The following LUC7L variants were observed in gnomAD, a reference collection of about 807,000 sequenced individuals.
LUC7L encodes the protein LUC7 like, also known as putative RNA-binding protein Luc7-like 1.
Under a neutral mutation model 51.1 loss-of-function variants are expected in LUC7L, and 29 were observed. The observed-to-expected ratio is 0.57, with a 90% CI of 0.42 to 0.77. LUC7L has a LOEUF of 0.77. Ranked by LOEUF, LUC7L falls within the 30% of genes least tolerant of loss-of-function variation. The pLI, the probability that LUC7L is intolerant of heterozygous loss-of-function variation, is 0.00. For missense variants in LUC7L, 403 were observed against 511.9 expected, an observed-to-expected ratio of 0.79 and a Z score of 2.05; for synonymous variants, 181 against 180.7, an observed-to-expected ratio of 1.00 and a Z score of -0.01.
chr16:211,255 G>A (rs985352385), intron 3 of LUC7L, among the ~76,000 whole-genome samples: 2 of 152,118 alleles, frequency 1.3e-5, no homozygotes, highest in Non-Finnish European at 2.9e-5. Flanking sequence ...AACTCTAGAC[G>A]TCTAATTGCT....
chr16:189,254 A>C lies in LUC7L; in HGVS notation c.1060T>G (p.Ser354Ala). The change falls in exon 10 of 10, where the codon TCC becomes GCC. Residue 354 changes from serine to alanine, a missense_variant. Ser to Ala is a moderately conservative substitution (Grantham distance 99). Transcript: ENST00000293872. ...CTCCGTGAAGCCATCTTCCCGTTGG[A>C]GCTCTCAAGCCTCCAGTCCGGGGGC... ...RGPPDWRLES[S>A]NGKMASRRSE... 6.2e-7 allele frequency: 1 copy of C among 1,613,786 alleles called. No homozygotes were observed. The highest frequency in any genetic ancestry group is 8.5e-7 in the Non-Finnish European group (1 of 1,179,932).
intron 5 of LUC7L, among the ~76,000 whole-genome samples, chr16:201,856 A>C (rs2142061730): frequency 6.9e-6 from 1 of 144,472 alleles, no homozygotes; most frequent in African/African-American, 2.6e-5. Flanking sequence ...CGATTCTCCT[A>C]CTTCAGCCTC....
At chr16:225,486 C>CTT (rs1172177139) in intron 2 of LUC7L, among the ~76,000 whole-genome samples, 6,550 of 99,338 alleles carry the variant, frequency 0.066, 456 homozygotes, top group African/African-American at 0.12. Flanking sequence ...AACTCCGTCT[C>CTT]TTTTTTTTTT....
At chr16:195,509 G>GCTC (rs1304976170) in intron 6 of LUC7L, among the ~76,000 whole-genome samples, 1 of 151,910 alleles carries the variant, frequency 6.6e-6, no homozygotes, top group African/African-American at 2.4e-5. Context: ...CTGCAGCCTT[G>GCTC]AGCTCCAAGG....
intron 2 of LUC7L, among the ~76,000 whole-genome samples, chr16:224,222 T>C (rs183517867): frequency 9.9e-5 from 15 of 152,228 alleles, no homozygotes; most frequent in Admixed American, 2.0e-4. Context: ...GATATGACAT[T>C]AGAAAACCTC....
At chr16:203,792 G>A (rs934543810) in intron 5 of LUC7L, among the ~76,000 whole-genome samples, 5 of 151,950 alleles carry the variant, frequency 3.3e-5, no homozygotes, top group East Asian at 1.9e-4. Flanking sequence ...CAAGGCAGGC[G>A]GATCATGAGG....
At chr16:189,450 T>C (rs2048950452) in intron 9 of LUC7L, 111 bp from the exon 10 acceptor site, 7 of 1,438,210 alleles carry the variant, frequency 4.9e-6, no homozygotes, top group Non-Finnish European at 6.4e-6. Flanking sequence ...CTACATCCCC[T>C]ATACCTGGAA....
intron 2 of LUC7L, 23 bp downstream of exon 2, chr16:227,219 G>A (rs1285481900): frequency 6.3e-7 from 1 of 1,596,582 alleles, no homozygotes; most frequent in Non-Finnish European, 8.6e-7. Flanking sequence ...AGTGTTCCAT[G>A]AGGTCCCCCA....
chr16:189,629 A>G, intron 9 of LUC7L: 1 of 1,325,824 alleles, frequency 7.5e-7, no homozygotes. Context: ...GTAAAAACAC[A>G]ATGGAAAAAA....
chr16:191,079 C>A (rs891505340), intron 7 of LUC7L, among the ~76,000 whole-genome samples: 3 of 152,122 alleles, frequency 2.0e-5, no homozygotes, highest in Non-Finnish European at 2.9e-5. Context: ...TCAGTGTCAC[C>A]TGAGCCTCAC....
At chr16:218,358 C>A (rs1375122807) in intron 3 of LUC7L, among the ~76,000 whole-genome samples, 3 of 152,182 alleles carry the variant, frequency 2.0e-5, no homozygotes, top group African/African-American at 4.8e-5. Flanking sequence ...AACCCCTCTA[C>A]TAACCTCTGG....
intron 3 of LUC7L, chr16:220,422 A>G (rs965335172): frequency 1.4e-5 from 6 of 440,850 alleles, no homozygotes; most frequent in Non-Finnish European, 2.4e-5. Context: ...TAAAATTTTT[A>G]AAAGCAACAA....
At chr16:206,740 T>C (rs1829724005) in intron 4 of LUC7L, among the ~76,000 whole-genome samples, 1 of 152,034 alleles carries the variant, frequency 6.6e-6, no homozygotes, top group Non-Finnish European at 1.5e-5. Flanking sequence ...CTTTCCAGTT[T>C]TATGTGGAGA....
intron 5 of LUC7L, 38 bp from the exon 6 acceptor site, chr16:199,276 T>C (rs775011827): frequency 6.7e-6 from 9 of 1,349,896 alleles, no homozygotes; most frequent in South Asian, 6.7e-5. Flanking sequence ...GTGAGGTATA[T>C]AGAACTGCCA....
intron 6 of LUC7L, among the ~76,000 whole-genome samples, chr16:196,209 A>G (rs935665904): frequency 6.6e-6 from 1 of 152,136 alleles, no homozygotes; most frequent in Admixed American, 6.5e-5. Context: ...GGAGTTCGAG[A>G]TCAGCCTGAG....
chr16:206,318 C>T (rs760876180), intron 4 of LUC7L, among the ~76,000 whole-genome samples, 171 bp from the exon 5 acceptor site: 8 of 152,182 alleles, frequency 5.3e-5, no homozygotes, highest in Non-Finnish European at 1.2e-4. Flanking sequence ...TAACCATAAA[C>T]GAGTCCTATG....
rs1217095116 is a variant in LUC7L, at chr16:190,051, A to ACCGG, written c.890_891insCCGG (p.His299Ter). ...AACGGCTGCGGTGGCGCCGATGTCT[A>ACCGG]TCTCGGGACCGGGACCGGGACAATT... On this transcript the variant is annotated frameshift_variant, in exon 9 of 10. Coordinates refer to ENST00000293872, the MANE Select transcript of LUC7L (RefSeq NM_201412.3). LOFTEE classifies it high-confidence loss of function. 6.2e-7 allele frequency: 1 copy of ACCGG among 1,613,622 alleles called. No individual in the cohort carries two copies. The highest frequency in any genetic ancestry group is 1.3e-5 in the African/African-American group (1 of 74,846).
At chr16:197,446 C>T (rs1388636339) in intron 6 of LUC7L, among the ~76,000 whole-genome samples, 2 of 151,888 alleles carry the variant, frequency 1.3e-5, no homozygotes, top group East Asian at 1.9e-4. Flanking sequence ...CTCCTGACCT[C>T]GTGATCCACC....
chr16:217,969 G>A (rs745845882), intron 3 of LUC7L, among the ~76,000 whole-genome samples: 11 of 150,232 alleles, frequency 7.3e-5, no homozygotes, highest in Non-Finnish European at 1.2e-4. Context: ...AGGTTGCAGT[G>A]AGCCGAGATC....
Sources: allele counts gnomAD v4.1 joint callset (sites outside exome capture counted in the v4.1 genomes callset), GRCh38; gene constraint gnomAD v4.1.1; transcripts MANE v1.5; gene names NCBI Gene and HGNC (gene_info 2026-07-23, HGNC 2026-07-21).